GABBR2: variants seen among roughly 807,000 people sequenced by gnomAD.
GABBR2 encodes gamma-aminobutyric acid type B receptor subunit 2.
GABBR2 carries 23 observed loss-of-function variants against 105.6 expected under a neutral mutation model. That is an observed-to-expected ratio of 0.22 (90% CI 0.16 to 0.31). The LOEUF is 0.31. Among genes scored for constraint, GABBR2 ranks in the 10% least tolerant of loss-of-function variants. GABBR2 has a pLI of 1.00. For missense variants in GABBR2, 734 were observed against 1,245.5 expected, an observed-to-expected ratio of 0.59 and a Z score of 6.18; for synonymous variants, 478 against 499.7, an observed-to-expected ratio of 0.96 and a Z score of 0.58.
At chr9:98,651,764 A>G (rs1208235100) in intron 1 of GABBR2, among the ~76,000 whole-genome samples, 1 of 152,244 alleles carries the variant, frequency 6.6e-6, no homozygotes, top group Non-Finnish European at 1.5e-5. Flanking sequence ...TTTAAGAGAT[A>G]TGTCAACCAA....
In GABBR2 at chr9:98,584,114, T is replaced by A. The variant is rs535616829; in HGVS notation, c.322-6042A>T. Among the ~76,000 whole-genome samples, 3 of 152,312 alleles carry A rather than the reference T, an allele frequency of 2.0e-5. No individual in the cohort carries two copies. In the South Asian group the frequency reaches 6.2e-4, roughly 32 times the overall value. Reference sequence around the variant, plus strand: ...TCCTGGAAGAAAGCTATGGGCTTTATCATGCTCTCCTTTCCCCCCACCACA... The same window carrying A: ...TCCTGGAAGAAAGCTATGGGCTTTAACATGCTCTCCTTTCCCCCCACCACA... On this transcript the variant is annotated intron_variant, in intron 1 of 18. Coordinates refer to ENST00000259455, the MANE Select transcript of GABBR2 (RefSeq NM_005458.8).
intron 7 of GABBR2, among the ~76,000 whole-genome samples, chr9:98,440,672 T>C (rs574037258): frequency 6.6e-6 from 1 of 152,262 alleles, no homozygotes; most frequent in Non-Finnish European, 1.5e-5. Flanking sequence ...TGAAATTTCA[T>C]GAGAAAGTGG....
At chr9:98,549,160 G>A (rs562069507) in intron 2 of GABBR2, among the ~76,000 whole-genome samples, 3 of 121,696 alleles carry the variant, frequency 2.5e-5, no homozygotes, top group Non-Finnish European at 3.7e-5. Flanking sequence ...TGGACAGGCT[G>A]GTCTTGCGCT....
chr9:98,395,864 G>A (rs1832278993), intron 8 of GABBR2, among the ~76,000 whole-genome samples: 1 of 152,170 alleles, frequency 6.6e-6, no homozygotes, highest in Non-Finnish European at 1.5e-5. Flanking sequence ...ATGGTGGGGA[G>A]CAGGTAGGAA....
Position 98,585,940 on chromosome 9 carries a change from A to G in GABBR2, c.322-7868T>C, listed in dbSNP as rs1467798275. Among the ~76,000 whole-genome samples, 4 of 38,974 alleles carry G rather than the reference A, an allele frequency of 1.0e-4. 2 individuals are homozygous for G. The highest frequency in any genetic ancestry group is 2.6e-4 in the Non-Finnish European group (4 of 15,214). 25.6% of individuals were successfully genotyped at this position (38,974 alleles called of 152,430 possible). ...ACCCCAAAATCTGAAACATTTCTAGACCCAAGTATTTTGGATAAGGGGTAC... is the reference window on the plus strand; with the variant it reads ...ACCCCAAAATCTGAAACATTTCTAGGCCCAAGTATTTTGGATAAGGGGTAC... On this transcript the variant is annotated intron_variant, in intron 1 of 18. Coordinates refer to ENST00000259455, the MANE Select transcript of GABBR2 (RefSeq NM_005458.8).
intron 2 of GABBR2, among the ~76,000 whole-genome samples, chr9:98,577,371 A>G (rs1240553032): frequency 1.3e-5 from 2 of 152,388 alleles, no homozygotes; most frequent in Admixed American, 6.5e-5. Flanking sequence ...GGAGCATTCA[A>G]TGATGTATAA....
At chr9:98,410,120 AT>A (rs564055730) in intron 7 of GABBR2, among the ~76,000 whole-genome samples, 10 of 147,222 alleles carry the variant, frequency 6.8e-5, no homozygotes, top group South Asian at 4.3e-4. Flanking sequence ...TTGAGCTGGA[AT>A]TTTTTTTTTT....
intron 6 of GABBR2, among the ~76,000 whole-genome samples, chr9:98,465,228 T>C (rs924929628): frequency 1.5e-5 from 2 of 132,992 alleles, no homozygotes; most frequent in African/African-American, 5.7e-5. Flanking sequence ...CAGAACCAAA[T>C]ATATAAAGTC....
At chr9:98,539,672 C>A (rs1362803777) in intron 3 of GABBR2, among the ~76,000 whole-genome samples, 1 of 152,012 alleles carries the variant, frequency 6.6e-6, no homozygotes, top group Non-Finnish European at 1.5e-5. Flanking sequence ...TTTGGGAGCA[C>A]TTTGGGAAGC....
intron 6 of GABBR2, among the ~76,000 whole-genome samples, chr9:98,470,502 A>G (rs1564082375): frequency 6.6e-6 from 1 of 152,154 alleles, no homozygotes. Context: ...CCATGATTCA[A>G]TTATCTCCCA....
intron 1 of GABBR2, among the ~76,000 whole-genome samples, chr9:98,650,591 G>A (rs1329829799): frequency 6.6e-6 from 1 of 152,114 alleles, no homozygotes; most frequent in Non-Finnish European, 1.5e-5. Context: ...GGAAATGAAA[G>A]GAAAATCTTT....
chr9:98,503,670 G>C (rs1302845255), intron 3 of GABBR2, among the ~76,000 whole-genome samples: 2 of 152,128 alleles, frequency 1.3e-5, no homozygotes, highest in Non-Finnish European at 2.9e-5. Flanking sequence ...CCAAAACGTA[G>C]CAGCTTAACC....
At chr9:98,455,015 G>A (rs886376182) in intron 6 of GABBR2, among the ~76,000 whole-genome samples, 6 of 152,160 alleles carry the variant, frequency 3.9e-5, no homozygotes, top group Non-Finnish European at 7.4e-5. Context: ...TCTGGGCCCC[G>A]AGGGGCCTGA....
intron 1 of GABBR2, among the ~76,000 whole-genome samples, chr9:98,659,773 G>T (rs530806204): frequency 2.4e-4 from 36 of 151,484 alleles, no homozygotes; most frequent in Admixed American, 2.1e-3. Flanking sequence ...CGCCCACCTC[G>T]GTCTCCCAAA....
intron 1 of GABBR2, among the ~76,000 whole-genome samples, chr9:98,634,338 C>T (rs1274304513): frequency 1.3e-5 from 2 of 152,176 alleles, no homozygotes; most frequent in East Asian, 1.9e-4. Flanking sequence ...TTCACGTCCA[C>T]CTGGAACCCC....
chr9:98,550,810 C>G lies in GABBR2; in HGVS notation c.460-8767G>C, dbSNP rs559335385. On this transcript the variant is annotated intron_variant, in intron 2 of 18. Coordinates refer to ENST00000259455, the MANE Select transcript of GABBR2 (RefSeq NM_005458.8). ...TGAAGCTTTACAGATGCATAAAGTC[C>G]CCTGCATTCCCTGTGATTATGATTG... 3.3e-5 allele frequency among the ~76,000 whole-genome samples: 5 copies of G among 152,210 alleles called. No individual in the cohort carries two copies. The South Asian group carries it at 8.3e-4, about 25-fold the overall frequency.
intron 1 of GABBR2, among the ~76,000 whole-genome samples, chr9:98,688,233 C>A (rs1830643726): frequency 6.6e-6 from 1 of 152,110 alleles, no homozygotes; most frequent in Non-Finnish European, 1.5e-5. Flanking sequence ...ATCTTGGAAT[C>A]CTGGAGCAAT....
intron 3 of GABBR2, among the ~76,000 whole-genome samples, chr9:98,521,676 C>T (rs1414870251): frequency 6.6e-6 from 1 of 152,138 alleles, no homozygotes; most frequent in Non-Finnish European, 1.5e-5. Flanking sequence ...GTTTCCTAAT[C>T]CCTTGGCTGC....
At chr9:98,707,179 G>T (rs1347397319) in intron 1 of GABBR2, 3 of 152,238 alleles carry the variant, frequency 2.0e-5, no homozygotes, top group Admixed American at 6.5e-5. Context: ...GACCAAGGAG[G>T]AGGGGAAGCC....
Sources: gnomAD v4.1 joint callset for allele counts (sites outside exome capture counted in the v4.1 genomes callset) on GRCh38, gnomAD v4.1.1 for gene constraint, MANE v1.5 for transcripts, NCBI Gene and HGNC (gene_info 2026-07-23, HGNC 2026-07-21) for gene names.